CNGB3: variants seen among roughly 807,000 people sequenced by gnomAD.
CNGB3 encodes cyclic nucleotide-gated channel beta-3.
In CNGB3, 86 loss-of-function variants were observed where a neutral mutation model predicts 92.8. The observed-to-expected ratio is 0.93, with a 90% CI of 0.78 to 1.11. CNGB3 has a LOEUF of 1.11. Ranked by LOEUF, CNGB3 falls within the 50% of genes least tolerant of loss-of-function variation. The pLI, the probability that CNGB3 is intolerant of heterozygous loss-of-function variation, is 0.00. For synonymous variants in CNGB3, 333 were observed against 332.7 expected (o/e 1.00, Z -0.01); for missense variants, 1,026 against 956.8 (o/e 1.07, Z -0.95).
At chr8:86,700,004 C>G (rs1322390923) in intron 3 of CNGB3, among the ~76,000 whole-genome samples, 1 of 152,044 alleles carries the variant, frequency 6.6e-6, no homozygotes, top group Non-Finnish European at 1.5e-5. Flanking sequence ...AATGGCAAGA[C>G]CCCCACAAAA....
intron 6 of CNGB3, chr8:86,660,521 C>T (rs748682384): frequency 3.6e-5 from 19 of 532,802 alleles, no homozygotes; most frequent in African/African-American, 9.6e-5. Context: ...TCCAGAGGGA[C>T]GATTTTTCTC....
At chr8:86,613,941 T>C (rs1822567806) in intron 13 of CNGB3, among the ~76,000 whole-genome samples, 2 of 147,740 alleles carry the variant, frequency 1.4e-5, no homozygotes, top group South Asian at 4.2e-4. Context: ...ATATAAAATA[T>C]ATATTATAAA....
At chr8:86,667,897 T>G (rs1310622467) in intron 5 of CNGB3, 122 bp downstream of exon 5, 1 of 1,079,188 alleles carries the variant, frequency 9.3e-7, no homozygotes, top group Non-Finnish European at 1.4e-6. Flanking sequence ...ATTTAAATTC[T>G]GCTTCCTAGT....
At chr8:86,576,319 C>T (rs1821661492) in intron 17 of CNGB3, among the ~76,000 whole-genome samples, 189 bp from the exon 18 acceptor site, 1 of 151,926 alleles carries the variant, frequency 6.6e-6, no homozygotes, top group African/African-American at 2.4e-5. Flanking sequence ...AGAGAATGGA[C>T]TTGTTGCCTT....
At chr8:86,592,065 G>A (rs146519635) in intron 15 of CNGB3, among the ~76,000 whole-genome samples, 1,820 of 152,314 alleles carry the variant, frequency 0.012, 29 homozygotes, top group African/African-American at 0.042. Context: ...TAAGCCCGTC[G>A]GAAAAGCGCA....
At chr8:86,648,669 C>A (rs981660953) in intron 7 of CNGB3, among the ~76,000 whole-genome samples, 3 of 151,026 alleles carry the variant, frequency 2.0e-5, no homozygotes, top group Admixed American at 6.6e-5. Context: ...AATAATTATT[C>A]ATTTTTATTA....
intron 4 of CNGB3, among the ~76,000 whole-genome samples, chr8:86,668,775 A>G (rs955284708): frequency 1.3e-5 from 2 of 151,726 alleles, no homozygotes; most frequent in Non-Finnish European, 2.9e-5. Flanking sequence ...GGGCTTTGTC[A>G]CCTGGGTAGA....
At chr8:86,579,772 T>G (rs2131533273) in intron 15 of CNGB3, among the ~76,000 whole-genome samples, 1 of 152,342 alleles carries the variant, frequency 6.6e-6, no homozygotes, top group East Asian at 1.9e-4. Flanking sequence ...GCTGCAGTTC[T>G]CTACCAAAAT....
At position 86,632,717 on chromosome 8, in the gene CNGB3, A is replaced by C. The variant is rs759147862; in HGVS notation, c.1320+35T>G. 2.5e-6 allele frequency: 4 copies of C among 1,607,656 alleles called. No homozygotes were observed. In the African/African-American group the frequency reaches 5.4e-5, roughly 22 times the overall value. On this transcript the variant is annotated intron_variant, in intron 11 of 17. Transcript: ENST00000320005. ...AGACCTGTTAGTCTTTCAAAATGAC[A>C]GCACTGTGTATCCAGTGATTCATAC... is the stretch of plus-strand genomic sequence containing the variant.
chr8:86,603,765 AG>A (rs1423896728), intron 15 of CNGB3, among the ~76,000 whole-genome samples: 1 of 152,148 alleles, frequency 6.6e-6, no homozygotes, highest in Admixed American at 6.6e-5. Context: ...AAGGCTTTCA[AG>A]TTTTCCAACA....
Position 86,575,888 on chromosome 8 carries a change from T to C in CNGB3, c.2346A>G (p.Gln782=), listed in dbSNP as rs2131529212. 6.2e-7 allele frequency: 1 copy of C among 1,613,350 alleles called. No homozygotes were observed. Among genetic ancestry groups the C allele is most frequent in the Non-Finnish European group, 8.5e-7 (1 of 1,179,842 alleles). Residue 782 remains glutamine (Q), a synonymous_variant, in exon 18 of 18, where the codon CAA becomes CAG. Coordinates refer to ENST00000320005, the MANE Select transcript of CNGB3 (RefSeq NM_019098.5). ...RTVLPRGTSR[Q]SLIISMAPSA... ...AAGGAGCCATGCTGATAATGAGTGA[T>C]TGACGAGAAGTCCCTCTGGGTAAAA...
At chr8:86,597,495 A>T (rs1031012038) in intron 15 of CNGB3, among the ~76,000 whole-genome samples, 2 of 152,202 alleles carry the variant, frequency 1.3e-5, no homozygotes, top group Non-Finnish European at 2.9e-5. Context: ...CATTGGATGA[A>T]AGTGTACAGC....
At chr8:86,674,135 T>G (rs1454263985) in intron 3 of CNGB3, among the ~76,000 whole-genome samples, 3 of 152,224 alleles carry the variant, frequency 2.0e-5, no homozygotes, top group Admixed American at 2.0e-4. Context: ...AAAGCTATGT[T>G]GAATGTTGCT....
intron 4 of CNGB3, among the ~76,000 whole-genome samples, 170 bp downstream of exon 4, chr8:86,670,774 C>A (rs1482419451): frequency 6.6e-6 from 1 of 152,146 alleles, no homozygotes; most frequent in Non-Finnish European, 1.5e-5. Flanking sequence ...ACTGTCTTAA[C>A]TTTGTTCTCT....
At chr8:86,663,158 G>C (rs774166446) in intron 6 of CNGB3, among the ~76,000 whole-genome samples, 2 of 152,182 alleles carry the variant, frequency 1.3e-5, no homozygotes, top group Non-Finnish European at 2.9e-5. Flanking sequence ...GAGCAATTGA[G>C]AGGATTAAGT....
chr8:86,620,447 G>C (rs569668807), intron 13 of CNGB3, among the ~76,000 whole-genome samples: 4 of 152,084 alleles, frequency 2.6e-5, no homozygotes, highest in African/African-American at 9.6e-5. Flanking sequence ...TTGCACCTGT[G>C]GTGTCTCTGT....
intron 10 of CNGB3, among the ~76,000 whole-genome samples, chr8:86,634,820 A>C (rs1823031719): frequency 1.3e-5 from 2 of 151,790 alleles, no homozygotes; most frequent in Admixed American, 6.6e-5. Flanking sequence ...AAATAGTTTG[A>C]GATTTTAAGA....
At chr8:86,662,368 A>G (rs1586000905) in intron 6 of CNGB3, among the ~76,000 whole-genome samples, 1 of 152,318 alleles carries the variant, frequency 6.6e-6, no homozygotes, top group South Asian at 2.1e-4. Context: ...GTAGATAAAT[A>G]AGTGAATCGA....
chr8:86,677,241 TG>T (rs1336932186), intron 3 of CNGB3, among the ~76,000 whole-genome samples: 1 of 152,204 alleles, frequency 6.6e-6, no homozygotes, highest in Non-Finnish European at 1.5e-5. Flanking sequence ...ACCCAGTTTG[TG>T]GTAATTTGTT....
Sources: gnomAD v4.1 joint callset for allele counts (sites outside exome capture counted in the v4.1 genomes callset) on GRCh38, gnomAD v4.1.1 for gene constraint, MANE v1.5 for transcripts, NCBI Gene and HGNC (gene_info 2026-07-23, HGNC 2026-07-21) for gene names.